Variants in SLC4A4 observed in about 807,000 individuals in gnomAD.
The protein encoded by SLC4A4 is solute carrier family 4 member 4.
A neutral mutation model predicts 111.5 loss-of-function variants in SLC4A4; 27 were observed. That is an observed-to-expected ratio of 0.24 (90% confidence interval 0.18 to 0.33). The LOEUF is 0.33. SLC4A4 is among the 10% of genes least tolerant of loss of function. SLC4A4 has a pLI of 1.00. For missense variants in SLC4A4, 909 were observed against 1,315.5 expected (o/e 0.69, Z 4.78); for synonymous variants, 443 against 463.4 (o/e 0.96, Z 0.57).
At chr4:71,309,280 G>A (rs1044819215) in intron 3 of SLC4A4, among the ~76,000 whole-genome samples, 2 of 152,312 alleles carry the variant, frequency 1.3e-5, no homozygotes, top group African/African-American at 4.8e-5. Flanking sequence ...GGCTGTGGGT[G>A]CAGCTTCAGT....
chr4:71,507,157 C>T (rs1201598240), intron 16 of SLC4A4, among the ~76,000 whole-genome samples: 1 of 152,168 alleles, frequency 6.6e-6, no homozygotes, highest in Non-Finnish European at 1.5e-5. Flanking sequence ...AGTACACAGA[C>T]CAGTGACACC....
At chr4:71,191,685 A>G (rs1245181729) in intron 1 of SLC4A4, among the ~76,000 whole-genome samples, 1 of 152,208 alleles carries the variant, frequency 6.6e-6, no homozygotes, top group Non-Finnish European at 1.5e-5. Context: ...GGAGTATTTC[A>G]TGAGAGAAGA....
chr4:71,098,129 G>T (rs1053304022), intron 2 of SLC4A4, among the ~76,000 whole-genome samples: 1 of 152,148 alleles, frequency 6.6e-6, no homozygotes, highest in Non-Finnish European at 1.5e-5. Context: ...TATTACCTAG[G>T]TTGTCTTCCA....
At chr4:71,540,588 G>A (rs1485576254) in intron 18 of SLC4A4, among the ~76,000 whole-genome samples, 1 of 152,126 alleles carries the variant, frequency 6.6e-6, no homozygotes, top group East Asian at 1.9e-4. Flanking sequence ...GTTAGATGTT[G>A]AAGATAAAAA....
chr4:71,307,488 C>G (rs1196573770), intron 3 of SLC4A4, among the ~76,000 whole-genome samples: 1 of 152,028 alleles, frequency 6.6e-6, no homozygotes, highest in African/African-American at 2.4e-5. Flanking sequence ...AACTGGTTAC[C>G]AAGGGTTAAT....
At chr4:71,234,551 G>T (rs781584284) in intron 1 of SLC4A4, among the ~76,000 whole-genome samples, 1 of 152,130 alleles carries the variant, frequency 6.6e-6, no homozygotes, top group African/African-American at 2.4e-5. Context: ...TCAGCCTCCC[G>T]AGGAGCTGGG....
chr4:71,192,041 G>A (rs532058900), intron 1 of SLC4A4, among the ~76,000 whole-genome samples: 93 of 152,156 alleles, frequency 6.1e-4, no homozygotes, highest in Non-Finnish European at 1.0e-3. Context: ...ATATTCTATG[G>A]GTGACACAAC....
At chr4:71,388,533 T>C (rs1287303557) in intron 6 of SLC4A4, among the ~76,000 whole-genome samples, 4 of 151,814 alleles carry the variant, frequency 2.6e-5, no homozygotes, top group African/African-American at 9.7e-5. Context: ...TATTATATTA[T>C]ATTCATTCAT....
At chr4:71,087,771 T>A (rs889244361) in intron 1 of SLC4A4, among the ~76,000 whole-genome samples, 3 of 152,056 alleles carry the variant, frequency 2.0e-5, no homozygotes, top group Non-Finnish European at 4.4e-5. Flanking sequence ...TCTGAGAGAC[T>A]GTTTGTTATA....
intron 2 of SLC4A4, among the ~76,000 whole-genome samples, chr4:71,152,939 T>C (rs983407059): frequency 1.3e-5 from 2 of 149,392 alleles, no homozygotes; most frequent in African/African-American, 4.9e-5. Flanking sequence ...ATCACATATA[T>C]ATATCCTATA....
intron 3 of SLC4A4, among the ~76,000 whole-genome samples, chr4:71,327,151 G>A (rs1053036251): frequency 2.0e-5 from 3 of 151,858 alleles, no homozygotes; most frequent in Non-Finnish European, 4.4e-5. Context: ...AAGCCTGCAG[G>A]GTGGCCACAG....
At chr4:71,562,010 TGC>T in intron 23 of SLC4A4, among the ~76,000 whole-genome samples, 2 of 151,946 alleles carry the variant, frequency 1.3e-5, no homozygotes, top group South Asian at 4.1e-4. Flanking sequence ...TTAAATGTAC[TGC>T]TCTCTAGTGA....
At chr4:71,451,055 TAGC>T in intron 10 of SLC4A4, 130 bp from the exon 11 acceptor site, 1 of 708,534 alleles carries the variant, frequency 1.4e-6, no homozygotes. Context: ...GTCTGTTAGA[TAGC>T]AGAAAGAAAT....
chr4:71,540,676 A>G lies in SLC4A4; in HGVS notation c.2443-5674A>G, dbSNP rs910944577. ...TCACCACCTGTCTATTACAACACCA[A>G]GGTTGGAATTGACCATGCCTTTCTT... On this transcript the variant is annotated intron_variant, in intron 18 of 25. Transcript: ENST00000264485. Among the ~76,000 whole-genome samples, 4 of 152,254 alleles carry G rather than the reference A, an allele frequency of 2.6e-5. No individual in the cohort carries two copies. The South Asian group carries it at 6.2e-4, about 24-fold the overall frequency.
chr4:71,427,190 TG>T (rs1282833242), intron 7 of SLC4A4, among the ~76,000 whole-genome samples: 1 of 152,086 alleles, frequency 6.6e-6, no homozygotes, highest in African/African-American at 2.4e-5. Context: ...TTTCTTCTTT[TG>T]CTTTCTTTGA....
At chr4:71,424,799 C>T (rs999847674) in intron 7 of SLC4A4, among the ~76,000 whole-genome samples, 38 of 151,872 alleles carry the variant, frequency 2.5e-4, no homozygotes, top group South Asian at 1.0e-3. Context: ...AATGAGAACA[C>T]GTGGACACAG....
intron 16 of SLC4A4, among the ~76,000 whole-genome samples, chr4:71,500,885 A>G (rs1224014521): frequency 6.6e-6 from 1 of 152,200 alleles, no homozygotes; most frequent in African/African-American, 2.4e-5. Flanking sequence ...GTAGTAGATT[A>G]GTGTGATGCT....
chr4:71,312,025 C>A (rs1726235175), intron 3 of SLC4A4, among the ~76,000 whole-genome samples: 1 of 151,064 alleles, frequency 6.6e-6, no homozygotes, highest in African/African-American at 2.4e-5. Context: ...TGACTGCTAG[C>A]CAGACCAATA....
At chr4:71,308,877 A>C (rs1725909341) in intron 3 of SLC4A4, among the ~76,000 whole-genome samples, 1 of 152,148 alleles carries the variant, frequency 6.6e-6, no homozygotes, top group African/African-American at 2.4e-5. Context: ...CCAGTGAGAC[A>C]AAACCGTTTT....
Sources: gnomAD v4.1 joint callset for allele counts (sites outside exome capture counted in the v4.1 genomes callset) on GRCh38, gnomAD v4.1.1 for gene constraint, MANE v1.5 for transcripts, NCBI Gene and HGNC (gene_info 2026-07-23, HGNC 2026-07-21) for gene names.